GLIS3: variants seen among roughly 807,000 people sequenced by gnomAD.
GLIS3 encodes GLIS family zinc finger 3, also known as zinc finger protein GLIS3.
In GLIS3, 53 loss-of-function variants were observed where a neutral mutation model predicts 78.6. The observed-to-expected ratio is 0.67, with a 90% CI of 0.54 to 0.85. The LOEUF (loss-of-function observed/expected upper bound fraction) is 0.85. GLIS3 is among the 40% of genes least tolerant of loss of function. The pLI, the probability that GLIS3 is intolerant of heterozygous loss-of-function variation, is 0.00. For missense variants in GLIS3, 1,703 were observed against 1,231.1 expected, an observed-to-expected ratio of 1.38 and a Z score of -5.74; for synonymous variants, 684 against 509.9, an observed-to-expected ratio of 1.34 and a Z score of -4.60.
chr9:4,382,903 A>C, the GLIS3 span, among the ~76,000 whole-genome samples: 1 of 152,316 alleles, frequency 6.6e-6, no homozygotes, highest in East Asian at 1.9e-4. Context: ...CTACTGCCTA[A>C]TTAATATTTC....
intron 2 of GLIS3, among the ~76,000 whole-genome samples, chr9:4,237,462 T>C (rs973694884): frequency 2.0e-5 from 3 of 152,232 alleles, no homozygotes; most frequent in Non-Finnish European, 4.4e-5. Context: ...TAGTTTTACA[T>C]GAAAGATAGA....
the GLIS3 span, among the ~76,000 whole-genome samples, chr9:4,367,658 A>AG: frequency 6.7e-6 from 1 of 149,636 alleles, no homozygotes; most frequent in Non-Finnish European, 1.5e-5. Context: ...AAAAAAAAAA[A>AG]GTTCTCTATG....
In GLIS3 at chr9:4,118,395, C is replaced by T; in HGVS notation, c.1083G>A (p.Gln361=). 2.5e-6 allele frequency: 4 copies of T among 1,604,666 alleles called. No individual in the cohort carries two copies. The highest frequency in any genetic ancestry group is 3.4e-6 in the Non-Finnish European group (4 of 1,178,724). Residue 361 remains glutamine (Q), a synonymous_variant, in exon 4 of 11, where the codon CAG becomes CAA. Coordinates refer to ENST00000381971, the MANE Select transcript of GLIS3 (RefSeq NM_001042413.2). The surrounding 1 kb of genome is among the most constrained non-coding windows in gnomAD (Gnocchi z 4.7). The part of the protein sequence containing the change: ...FLGVRGSCIP[Q]PRPVPGSQKG... ...TCTGGCTGCCGGGCACCGGGCGCGGCTGGGGAATGCAGCTGCCGCGCACGC... is the reference window on the plus strand; with the variant it reads ...TCTGGCTGCCGGGCACCGGGCGCGGTTGGGGAATGCAGCTGCCGCGCACGC...
rs192650480 is a variant in GLIS3 at position 4,106,395 on chromosome 9, C to T, written c.1710+11373G>A. On this transcript the variant is annotated intron_variant, in intron 4 of 10. Coordinates refer to ENST00000381971, the MANE Select transcript of GLIS3 (RefSeq NM_001042413.2). ...ACACTTTAAACGTTTCTAAGAAGGG[C>T]GAATGCCGGTAGAACACTGAGACAG... Among the ~76,000 whole-genome samples the T allele has an allele frequency of 5.6e-4, 85 of 152,194 alleles. 2 individuals are homozygous for T. The highest frequency in any genetic ancestry group is 2.1e-4 in the Non-Finnish European group (14 of 68,018).
At chr9:4,221,859 G>A (rs558259836) in intron 2 of GLIS3, among the ~76,000 whole-genome samples, 1 of 152,178 alleles carries the variant, frequency 6.6e-6, no homozygotes, top group Non-Finnish European at 1.5e-5. Context: ...CATCTTCTAT[G>A]CAAAATAGTT....
At chr9:4,020,358 G>T (rs1290674612) in intron 4 of GLIS3, among the ~76,000 whole-genome samples, 8 of 152,260 alleles carry the variant, frequency 5.3e-5, no homozygotes, top group African/African-American at 1.9e-4. Flanking sequence ...AGGCTTGGGT[G>T]CTGTGAGCAC....
intron 2 of GLIS3, among the ~76,000 whole-genome samples, chr9:4,325,517 C>G (rs1489804838): frequency 2.0e-5 from 3 of 152,216 alleles, no homozygotes; most frequent in Non-Finnish European, 4.4e-5. Context: ...ACTTCACCTT[C>G]CAGTTGCTCT....
At chr9:3,944,142 T>G (rs942366310) in intron 4 of GLIS3, among the ~76,000 whole-genome samples, 2 of 152,128 alleles carry the variant, frequency 1.3e-5, no homozygotes, top group African/African-American at 4.8e-5. Context: ...AAAAGGTCCT[T>G]GAAATGAGGT....
chr9:4,390,937 G>A, the GLIS3 span, among the ~76,000 whole-genome samples: 1 of 152,118 alleles, frequency 6.6e-6, no homozygotes, highest in Admixed American at 6.5e-5. Flanking sequence ...GTCTCAGAAG[G>A]GAAACAAGTT....
chr9:4,411,824 G>A, the GLIS3 span, among the ~76,000 whole-genome samples: 1 of 152,098 alleles, frequency 6.6e-6, no homozygotes, highest in South Asian at 2.1e-4. Context: ...TCTCCTACAA[G>A]CTTTCAATGT....
At chr9:4,476,620 C>T in the GLIS3 span, among the ~76,000 whole-genome samples, 11 of 152,134 alleles carry the variant, frequency 7.2e-5, no homozygotes, top group East Asian at 1.5e-3. Context: ...CCTCAGCCTC[C>T]CTAATTGCTG....
At chr9:3,884,251 G>A (rs571221795) in intron 7 of GLIS3, among the ~76,000 whole-genome samples, 1 of 152,158 alleles carries the variant, frequency 6.6e-6, no homozygotes, top group Non-Finnish European at 1.5e-5. Flanking sequence ...GTGGATGGAG[G>A]GAGGCCAAGA....
chr9:4,240,203 G>A (rs940606715), intron 2 of GLIS3, among the ~76,000 whole-genome samples: 8 of 151,684 alleles, frequency 5.3e-5, no homozygotes, highest in African/African-American at 1.9e-4. Flanking sequence ...GGTGGGGGGG[G>A]GGGATGGTTT....
At chr9:3,951,384 G>C (rs1816665576) in intron 4 of GLIS3, among the ~76,000 whole-genome samples, 1 of 150,232 alleles carries the variant, frequency 6.7e-6, no homozygotes, top group South Asian at 2.1e-4. Flanking sequence ...AAAGCTTTTT[G>C]TAAATTAAGA....
At chr9:4,420,686 C>T in the GLIS3 span, among the ~76,000 whole-genome samples, 2 of 152,076 alleles carry the variant, frequency 1.3e-5, no homozygotes, top group Non-Finnish European at 1.5e-5. Flanking sequence ...AAGCATGGGG[C>T]CCCAGTGTAC....
Position 3,856,117 on chromosome 9 carries a change from G to A in GLIS3, c.2365C>T (p.Leu789=), listed in dbSNP as rs774232431. 5 of 1,614,056 alleles carry A rather than the reference G, an allele frequency of 3.1e-6. No individual in the cohort carries two copies. In the Admixed American group the frequency reaches 5.0e-5, roughly 16 times the overall value. ...PRRVPAPSSI[L]QRTQPPYTQQ... is the part of the protein sequence containing the mutation. ...GTATAGGGAGGCTGTGTTCTTTGCAGTATTGAAGAAGGAGCTGGAACTCTC... is the reference window on the plus strand; with the variant it reads ...GTATAGGGAGGCTGTGTTCTTTGCAATATTGAAGAAGGAGCTGGAACTCTC... Residue 789 remains leucine, a synonymous_variant, in exon 9 of 11, where the codon CTG becomes TTG. Coordinates refer to ENST00000381971, the MANE Select transcript of GLIS3 (RefSeq NM_001042413.2).
chr9:4,456,872 C>T, the GLIS3 span, among the ~76,000 whole-genome samples: 1 of 152,086 alleles, frequency 6.6e-6, no homozygotes, highest in Non-Finnish European at 1.5e-5. Context: ...TTCATGGTAT[C>T]CCAAAACAAT....
chr9:4,457,450 G>C, the GLIS3 span, among the ~76,000 whole-genome samples: 1 of 152,162 alleles, frequency 6.6e-6, no homozygotes, highest in African/African-American at 2.4e-5. Context: ...GATATTTAGT[G>C]AGCTCTAGCT....
intron 2 of GLIS3, among the ~76,000 whole-genome samples, chr9:4,253,042 T>C (rs184874341): frequency 2.4e-4 from 36 of 152,324 alleles, no homozygotes; most frequent in African/African-American, 7.9e-4. Flanking sequence ...GTATGAAGTC[T>C]CTGTCAACCC....
Sources: gnomAD v4.1 joint callset for allele counts (sites outside exome capture counted in the v4.1 genomes callset) on GRCh38, gnomAD v4.1.1 for gene constraint, Gnocchi (gnomAD v3.1) non-coding constraint, MANE v1.5 for transcripts, NCBI Gene and HGNC (gene_info 2026-07-23, HGNC 2026-07-21) for gene names.